Variants in GCNT4 observed in about 807,000 individuals in gnomAD.
GCNT4 encodes the protein glucosaminyl (N-acetyl) transferase 4, also known as beta-1,3-galactosyl-O-glycosyl-glycoprotein beta-1,6-N-acetylglucosaminyltransferase 4.
Under a neutral mutation model 31.3 loss-of-function variants are expected in GCNT4, and 17 were observed. That is an observed-to-expected ratio of 0.54 (90% CI 0.37 to 0.81). The LOEUF is 0.81. GCNT4 is among the 40% of genes least tolerant of loss of function. The probability of loss-of-function intolerance (pLI) is 0.00; values close to 1 mark genes in which losing one functional copy is unlikely to be tolerated. For synonymous variants in GCNT4, 158 were observed against 190.6 expected (o/e 0.83, Z 1.41); for missense variants, 503 against 525.5 (o/e 0.96, Z 0.42).
Position 75,029,590 on chromosome 5 carries a change from T to A in GCNT4, c.448A>T (p.Ile150Phe). 1 of 1,614,164 alleles carries A rather than the reference T, an allele frequency of 6.2e-7. No homozygotes were observed. The highest frequency in any genetic ancestry group is 1.1e-5 in the South Asian group (1 of 91,080). The change falls in exon 4 of 4, where the codon ATC (isoleucine) becomes TTC (phenylalanine). Residue 150 changes from isoleucine to phenylalanine, a missense_variant. Coordinates refer to ENST00000652361, the MANE Select transcript of GCNT4 (RefSeq NM_001366737.1). ...TTGTGCTGGTTGTATATAGCATGGATAAGCCTTTCAACCATAATTGCATCT... is the reference window on the plus strand; with the variant it reads ...TTGTGCTGGTTGTATATAGCATGGAAAAGCCTTTCAACCATAATTGCATCT... ...HKDAIMVERL[I>F]HAIYNQHNIY...
chr5:75,017,661 C>A, the GCNT4 span: 2 of 152,176 alleles, frequency 1.3e-5, no homozygotes, highest in Non-Finnish European at 2.9e-5. Flanking sequence ...TGAGGGACAG[C>A]GAAGGGAGGC....
chr5:75,038,708 C>A (rs1050008493), intron 3 of GCNT4, among the ~76,000 whole-genome samples: 3 of 152,186 alleles, frequency 2.0e-5, no homozygotes, highest in African/African-American at 7.2e-5. Flanking sequence ...GGGCACTAGT[C>A]CTATGCCTTA....
Position 75,029,103 on chromosome 5 carries a change from A to C in GCNT4, c.935T>G (p.Val312Gly), listed in dbSNP as rs1458973232. The C allele has an allele frequency of 6.2e-7, 1 of 1,614,106 alleles. No individual in the cohort carries two copies. Among genetic ancestry groups the C allele is most frequent in the Admixed American group, 1.7e-5 (1 of 60,010 alleles). The part of the protein sequence containing the change: ...SAYFVLSQAF[V>G]KYIFNNSIVQ... ...GATGGAGTTGTTGAAAATATATTTA[A>C]CAAATGCTTGACTTAAAACAAAATA... Residue 312 changes from valine to glycine, a missense_variant, in exon 4 of 4, where the codon GTT becomes GGT. By Grantham distance (109) the Val-to-Gly change is moderately radical (BLOSUM62 -3). Transcript: ENST00000652361.
chr5:75,045,832 A>G (rs746676112), intron 3 of GCNT4, among the ~76,000 whole-genome samples: 1 of 152,246 alleles, frequency 6.6e-6, no homozygotes, highest in Non-Finnish European at 1.5e-5. Context: ...TAAGTGACTG[A>G]TAACACAATT....
At chr5:75,050,329 A>AG (rs1479366630) in intron 2 of GCNT4, among the ~76,000 whole-genome samples, 2 of 152,202 alleles carry the variant, frequency 1.3e-5, no homozygotes, top group African/African-American at 4.8e-5. Context: ...TCGCAATCCA[A>AG]GGGGGAGGGG....
intron 3 of GCNT4, among the ~76,000 whole-genome samples, chr5:75,041,554 T>C (rs1743319222): frequency 6.6e-6 from 1 of 152,194 alleles, no homozygotes; most frequent in South Asian, 2.1e-4. Flanking sequence ...GAAACTTTAC[T>C]GGAGCCTCTC....
chr5:75,053,619 C>T, upstream of GCNT4, among the ~76,000 whole-genome samples: 1 of 152,078 alleles, frequency 6.6e-6, no homozygotes, highest in Non-Finnish European at 1.5e-5. Context: ...TCCGCGGCGG[C>T]TCGCTCTCGC....
At chr5:75,051,127 C>T (rs1454306737) in intron 2 of GCNT4, among the ~76,000 whole-genome samples, 1 of 152,200 alleles carries the variant, frequency 6.6e-6, no homozygotes, top group Non-Finnish European at 1.5e-5. Context: ...TCTCAGCACA[C>T]ACCATTCCCG....
At chr5:75,047,867 T>C (rs1743478121) in intron 3 of GCNT4, 30 bp downstream of exon 3, 1 of 152,150 alleles carries the variant, frequency 6.6e-6, no homozygotes, top group African/African-American at 2.4e-5. Context: ...GAATTCATCT[T>C]AATCTGACTA....
chr5:75,028,601 G>A lies in GCNT4; in HGVS notation c.*75C>T. The A allele has an allele frequency of 1.5e-6, 2 of 1,347,268 alleles. No individual in the cohort carries two copies. The highest frequency in any genetic ancestry group is 2.0e-6 in the Non-Finnish European group (2 of 977,452). The allele number at this position is 1,347,268 out of a possible 1,614,324, so 83.5% of individuals were successfully genotyped here. ...GGGAGGACTGAGTTTAAACAGTATTGGGCATAGTATGGTATTCAATTCCAC... is the reference window on the plus strand; with the variant it reads ...GGGAGGACTGAGTTTAAACAGTATTAGGCATAGTATGGTATTCAATTCCAC... On this transcript the variant is annotated 3_prime_UTR_variant, in exon 4 of 4. Transcript: ENST00000652361.
chr5:75,032,404 C>T (rs961447856), intron 3 of GCNT4, among the ~76,000 whole-genome samples: 1 of 152,168 alleles, frequency 6.6e-6, no homozygotes, highest in Non-Finnish European at 1.5e-5. Context: ...AAACTGAACT[C>T]GACATCATCA....
the GCNT4 span, among the ~76,000 whole-genome samples, chr5:75,017,936 C>A: frequency 1.3e-5 from 2 of 152,148 alleles, no homozygotes; most frequent in Non-Finnish European, 2.9e-5. Context: ...GATCTAGATT[C>A]TTGCATGTTA....
upstream of GCNT4, among the ~76,000 whole-genome samples, chr5:75,053,494 C>G (rs544253808): frequency 7.9e-5 from 12 of 152,234 alleles, no homozygotes; most frequent in South Asian, 1.9e-3. Flanking sequence ...CTCGCTCCCC[C>G]GCGTGGCCAA....
At chr5:75,049,004 A>C (rs1468052039) in intron 2 of GCNT4, among the ~76,000 whole-genome samples, 1 of 152,224 alleles carries the variant, frequency 6.6e-6, no homozygotes, top group African/African-American at 2.4e-5. Flanking sequence ...CCGCTGCTCT[A>C]AGTAACAAAA....
Position 75,052,191 on chromosome 5 carries a change from A to C in GCNT4, c.-165T>G, listed in dbSNP as rs1193807972. 1 of 150,226 alleles carries C rather than the reference A, an allele frequency of 6.7e-6. No individual in the cohort carries two copies. Among genetic ancestry groups the C allele is most frequent in the Non-Finnish European group, 1.5e-5 (1 of 67,744 alleles). 9.3% of individuals were successfully genotyped at this position (150,226 alleles called of 1,614,324 possible). A position where few individuals can be genotyped will look rare whatever the true frequency, so the allele number is the denominator to read the frequency against. On this transcript the variant is annotated 5_prime_UTR_variant, in exon 2 of 4. Transcript: ENST00000652361. ...CACATGAGACAATTAAACGCATTATATTAGCCCCAACTCTGTTAATCTTCT... is the reference window on the plus strand; with the variant it reads ...CACATGAGACAATTAAACGCATTATCTTAGCCCCAACTCTGTTAATCTTCT...
At chr5:75,035,310 C>T (rs1743171532) in intron 3 of GCNT4, among the ~76,000 whole-genome samples, 1 of 152,212 alleles carries the variant, frequency 6.6e-6, no homozygotes, top group African/African-American at 2.4e-5. Context: ...TGCTTCCTTT[C>T]CCAGGGAAGA....
the GCNT4 span, among the ~76,000 whole-genome samples, chr5:75,019,964 G>T: frequency 1.1e-4 from 17 of 152,154 alleles, no homozygotes; most frequent in African/African-American, 3.9e-4. Context: ...TTTTGAAAAT[G>T]GTTTCACTGT....
chr5:75,029,565 T>G lies in GCNT4; in HGVS notation c.473A>C (p.Asn158Thr), dbSNP rs1743017686. ...ACGATCATAATGGATGCAGTAAATATTGTGCTGGTTGTATATAGCATGGAT... is the reference window on the plus strand; with the variant it reads ...ACGATCATAATGGATGCAGTAAATAGTGTGCTGGTTGTATATAGCATGGAT... The part of the protein sequence containing the change: ...RLIHAIYNQH[N>T]IYCIHYDRKA... The change falls in exon 4 of 4, where the codon AAT (asparagine) becomes ACT (threonine). Residue 158 changes from asparagine to threonine, a missense_variant. Transcript: ENST00000652361. 2 of 1,614,056 alleles carry G rather than the reference T, an allele frequency of 1.2e-6. No homozygotes were observed. The highest frequency in any genetic ancestry group is 2.7e-5 in the African/African-American group (2 of 74,932).
intron 3 of GCNT4, among the ~76,000 whole-genome samples, chr5:75,041,191 G>A (rs1353341424): frequency 1.3e-5 from 2 of 152,174 alleles, no homozygotes; most frequent in Non-Finnish European, 2.9e-5. Flanking sequence ...CCATCCCTAA[G>A]GACCACGGAA....
Sources: gnomAD v4.1 joint callset for allele counts (sites outside exome capture counted in the v4.1 genomes callset) on GRCh38, gnomAD v4.1.1 for gene constraint, MANE v1.5 for transcripts, NCBI Gene and HGNC (gene_info 2026-07-23, HGNC 2026-07-21) for gene names.